Variants in TAF1A observed in about 807,000 individuals in gnomAD.
TAF1A encodes TATA-box binding protein associated factor, RNA polymerase I subunit A.
A neutral mutation model predicts 61.6 loss-of-function variants in TAF1A; 42 were observed. The ratio of observed to expected loss-of-function variants is 0.68; its 90% CI spans 0.53 to 0.88. The LOEUF is 0.88. TAF1A is among the 40% of genes least tolerant of loss of function. The pLI is 0.00. For missense variants in TAF1A, 424 were observed against 518.7 expected, an observed-to-expected ratio of 0.82 and a Z score of 1.77; for synonymous variants, 179 against 177.7, an observed-to-expected ratio of 1.01 and a Z score of -0.06.
intron 7 of TAF1A, chr1:222,569,260 C>T (rs1660245391): frequency 2.2e-6 from 3 of 1,380,626 alleles, no homozygotes; most frequent in African/African-American, 2.9e-5. Flanking sequence ...AATATCAGTG[C>T]AGAGTATTCC....
At chr1:222,573,987 G>GA (rs1221065283) in intron 5 of TAF1A, among the ~76,000 whole-genome samples, 1 of 2,280 alleles carries the variant, frequency 4.4e-4, no homozygotes, top group Non-Finnish European at 1.1e-3. Flanking sequence ...TTTTCTGTTA[G>GA]GGAAAAAAAA....
rs912310066 is a variant in TAF1A, at chr1:222,576,887, C to T, written c.604+558G>A. The stretch of plus-strand genomic sequence containing the variant: ...CAAACTCCAGCCAGGCTCCTCTGAG[C>T]TCTCTTCTGGACTAGGCCTCAAACT... On this transcript the variant is annotated intron_variant, in intron 5 of 10. Coordinates refer to ENST00000352967, the MANE Select transcript of TAF1A (RefSeq NM_005681.4). Among the ~76,000 whole-genome samples, 6 of 152,318 alleles carry T rather than the reference C, an allele frequency of 3.9e-5. No individual in the cohort carries two copies. In the East Asian group the frequency reaches 1.2e-3, roughly 29 times the overall value.
chr1:222,569,666 C>A lies in TAF1A; in HGVS notation c.738G>T (p.Met246Ile). 1 of 1,608,884 alleles carries A rather than the reference C, an allele frequency of 6.2e-7. No homozygotes were observed. Among genetic ancestry groups the A allele is most frequent in the South Asian group, 1.1e-5 (1 of 89,944 alleles). ...CATCTCGATCCCCATAGAATTCCAGCATCTATATAAAATAAATCATAATAT... is the reference window on the plus strand; with the variant it reads ...CATCTCGATCCCCATAGAATTCCAGAATCTATATAAAATAAATCATAATAT... ...WDPFVKSYVE[M>I]LEFYGDRDGA... The change falls in exon 7 of 11, where the codon ATG (methionine) becomes ATT (isoleucine). Residue 246 changes from methionine (M) to isoleucine (I), a missense_variant and splice_region_variant. Met to Ile is a conservative substitution (Grantham distance 10, BLOSUM62 1). Transcript: ENST00000352967.
At chr1:222,564,651 G>GA (rs1416717376) in intron 7 of TAF1A, among the ~76,000 whole-genome samples, 2 of 151,890 alleles carry the variant, frequency 1.3e-5, no homozygotes, top group Non-Finnish European at 2.9e-5. Flanking sequence ...TTCACACAAT[G>GA]AAAAAATTAA....
At chr1:222,556,899 G>T (rs1284990407), downstream of TAF1A, among the ~76,000 whole-genome samples, 3 of 152,138 alleles carry the variant, frequency 2.0e-5, no homozygotes, top group Non-Finnish European at 4.4e-5. Context: ...TAGAGTATTG[G>T]TCTTATACAG....
At chr1:222,559,012 C>T (rs768095625) in intron 10 of TAF1A, among the ~76,000 whole-genome samples, 9 of 152,142 alleles carry the variant, frequency 5.9e-5, no homozygotes, top group Non-Finnish European at 8.8e-5. Flanking sequence ...CTGTGCCCAA[C>T]GAAACATATT....
chr1:222,587,142 C>T (rs1661047533), intron 2 of TAF1A, among the ~76,000 whole-genome samples: 1 of 152,130 alleles, frequency 6.6e-6, no homozygotes, highest in African/African-American at 2.4e-5. Context: ...TTCAAATCTG[C>T]CTTAAGCCAT....
At chr1:222,588,062 T>C (rs1266778625) in intron 2 of TAF1A, among the ~76,000 whole-genome samples, 1 of 148,646 alleles carries the variant, frequency 6.7e-6, no homozygotes, top group Non-Finnish European at 1.5e-5. Flanking sequence ...AAAAAAAAAA[T>C]CTATTACACG....
At chr1:222,559,031 T>C (rs1659810087) in intron 10 of TAF1A, among the ~76,000 whole-genome samples, 1 of 152,202 alleles carries the variant, frequency 6.6e-6, no homozygotes, top group Non-Finnish European at 1.5e-5. Context: ...TTTCTTCCTA[T>C]ATATAAAGAT....
chr1:222,580,685 C>A (rs994183368), intron 3 of TAF1A, among the ~76,000 whole-genome samples: 6 of 151,462 alleles, frequency 4.0e-5, no homozygotes, highest in Non-Finnish European at 7.4e-5. Context: ...GAATATCACA[C>A]TGTAGTATTT....
At chr1:222,588,894 T>C (rs1661136861) in intron 1 of TAF1A, among the ~76,000 whole-genome samples, 1 of 152,174 alleles carries the variant, frequency 6.6e-6, no homozygotes, top group Non-Finnish European at 1.5e-5. Flanking sequence ...ACAGTAAGAA[T>C]AGAAGTAGCA....
chr1:222,584,423 A>G, intron 2 of TAF1A, 126 bp from the exon 3 acceptor site: 2 of 750,404 alleles, frequency 2.7e-6, no homozygotes, highest in Non-Finnish European at 4.1e-6. Context: ...GCCCATTCCC[A>G]GTACCAAAGC....
intron 6 of TAF1A, 88 bp from the exon 7 acceptor site, chr1:222,569,756 A>G: frequency 8.0e-7 from 1 of 1,247,006 alleles, no homozygotes; most frequent in Non-Finnish European, 1.1e-6. Flanking sequence ...ACTGATGGGT[A>G]TTTTTTAAAA....
At chr1:222,564,413 T>C (rs370052273) in intron 7 of TAF1A, among the ~76,000 whole-genome samples, 1 of 150,280 alleles carries the variant, frequency 6.7e-6, no homozygotes, top group Non-Finnish European at 1.5e-5. Context: ...TACATATCTA[T>C]ACTGTTTACC....
chr1:222,562,545 A>G (rs1297243810), intron 9 of TAF1A, among the ~76,000 whole-genome samples: 1 of 152,206 alleles, frequency 6.6e-6, no homozygotes, highest in Non-Finnish European at 1.5e-5. Flanking sequence ...TCCAACTGAC[A>G]CTGAATTGCC....
chr1:222,580,969 G>A (rs997217319), intron 3 of TAF1A, among the ~76,000 whole-genome samples: 6 of 152,026 alleles, frequency 3.9e-5, no homozygotes, highest in African/African-American at 7.2e-5. Flanking sequence ...TGGCTAACAC[G>A]GTGAAACCCC....
At chr1:222,564,175 C>T (rs1206134052) in intron 7 of TAF1A, 50 bp from the exon 8 acceptor site, 1 of 1,221,020 alleles carries the variant, frequency 8.2e-7, no homozygotes, top group Non-Finnish European at 1.2e-6. Flanking sequence ...AAAAGCATTT[C>T]TCAAATTTCA....
intron 5 of TAF1A, among the ~76,000 whole-genome samples, chr1:222,575,240 G>T (rs1430016694): frequency 6.6e-6 from 1 of 152,046 alleles, no homozygotes; most frequent in Non-Finnish European, 1.5e-5. Flanking sequence ...TAAAAAAAGG[G>T]CTGGGCATGG....
At chr1:222,564,314 C>CT (rs1237748502) in intron 7 of TAF1A, among the ~76,000 whole-genome samples, 189 bp from the exon 8 acceptor site, 2 of 77,922 alleles carry the variant, frequency 2.6e-5, no homozygotes, top group East Asian at 3.5e-4. Context: ...GTAAAGCTGT[C>CT]TTAAAAAAAA....
Sources: allele counts gnomAD v4.1 joint callset (sites outside exome capture counted in the v4.1 genomes callset), GRCh38; gene constraint gnomAD v4.1.1; transcripts MANE v1.5; gene names NCBI Gene and HGNC (gene_info 2026-07-23, HGNC 2026-07-21).